The following OPCML variants were observed in gnomAD, a reference collection of about 807,000 sequenced individuals.
OPCML encodes opioid binding protein/cell adhesion molecule like, also known as opioid-binding protein/cell adhesion molecule.
In OPCML, 13 loss-of-function variants were observed where a neutral mutation model predicts 37.8. That is an observed-to-expected ratio of 0.34 (90% CI 0.22 to 0.55). The LOEUF is 0.55. Ranked by LOEUF, OPCML falls within the 20% of genes least tolerant of loss-of-function variation. The pLI is 0.91. For synonymous variants in OPCML, 176 were observed against 168.8 expected, an observed-to-expected ratio of 1.04 and a Z score of -0.33; for missense variants, 341 against 435.6, an observed-to-expected ratio of 0.78 and a Z score of 1.93.
At chr11:133,298,273 G>C (rs992962511) in intron 1 of OPCML, 2 of 152,162 alleles carry the variant, frequency 1.3e-5, no homozygotes, top group African/African-American at 4.8e-5. Flanking sequence ...GATAGGGAGG[G>C]AGAGCAGGAG....
chr11:133,314,199 C>T (rs527880757), intron 1 of OPCML, among the ~76,000 whole-genome samples: 1,310 of 127,610 alleles, frequency 0.01, 12 homozygotes, highest in Non-Finnish European at 0.014. Context: ...CGCGCCACTG[C>T]ACTCCAGCCT....
chr11:132,437,433 A>G lies in OPCML; in HGVS notation c.506-74T>C. 1.9e-6 allele frequency: 3 copies of G among 1,564,688 alleles called. No individual in the cohort carries two copies. The Admixed American group carries it at 6.0e-5, about 31-fold the overall frequency. ...GGGACAGAACCATATTCACATCTAG[A>G]GATTGTAGGAGGAGGAAGAGAAAAA... On this transcript the variant is annotated intron_variant, in intron 4 of 7. Coordinates refer to ENST00000524381, the MANE Select transcript of OPCML (RefSeq NM_001012393.5).
chr11:132,982,730 C>T (rs887817499), intron 1 of OPCML, among the ~76,000 whole-genome samples: 2 of 152,180 alleles, frequency 1.3e-5, no homozygotes, highest in African/African-American at 4.8e-5. Flanking sequence ...TATTTGCAGG[C>T]AGAAAATCAA....
intron 2 of OPCML, among the ~76,000 whole-genome samples, chr11:132,831,941 G>T (rs906726424): frequency 1.3e-5 from 2 of 151,670 alleles, no homozygotes; most frequent in Non-Finnish European, 2.9e-5. Context: ...TCCTTCTTTT[G>T]CTGTCTCTGG....
chr11:133,044,717 G>C (rs1947974986), intron 1 of OPCML, among the ~76,000 whole-genome samples: 1 of 152,174 alleles, frequency 6.6e-6, no homozygotes, highest in Admixed American at 6.5e-5. Context: ...CCAGGTCACA[G>C]AGCTAGTGAT....
At chr11:132,818,776 C>A (rs985241012) in intron 2 of OPCML, among the ~76,000 whole-genome samples, 5 of 148,826 alleles carry the variant, frequency 3.4e-5, no homozygotes, top group Middle Eastern at 3.2e-3. Flanking sequence ...AATATAAGAA[C>A]CATATATGGG....
intron 2 of OPCML, among the ~76,000 whole-genome samples, chr11:132,933,867 G>A (rs1425378133): frequency 6.6e-6 from 1 of 152,052 alleles, no homozygotes; most frequent in African/African-American, 2.4e-5. Context: ...TCTTACACAG[G>A]GTGCCTTACA....
intron 1 of OPCML, chr11:133,065,456 G>A (rs1948426347): frequency 6.6e-6 from 1 of 152,194 alleles, no homozygotes; most frequent in African/African-American, 2.4e-5. Context: ...GGAGACAAAT[G>A]TGCCCCAGAG....
intron 1 of OPCML, among the ~76,000 whole-genome samples, chr11:133,108,898 T>C (rs560260142): frequency 6.6e-6 from 1 of 152,274 alleles, no homozygotes; most frequent in Admixed American, 6.5e-5. Context: ...GAATACGTGT[T>C]TCCATATGCA....
chr11:132,583,875 A>G (rs1320949290), intron 3 of OPCML, among the ~76,000 whole-genome samples: 2 of 152,094 alleles, frequency 1.3e-5, no homozygotes, highest in Admixed American at 6.6e-5. Context: ...CGGCCTCCCA[A>G]AGTGCTGGGA....
At chr11:132,926,873 A>G (rs899360447) in intron 2 of OPCML, among the ~76,000 whole-genome samples, 7 of 152,124 alleles carry the variant, frequency 4.6e-5, no homozygotes, top group Non-Finnish European at 1.0e-4. Context: ...ACTATGAAAA[A>G]AGGGATGAAA....
chr11:132,890,136 T>C (rs1464926047), intron 2 of OPCML, among the ~76,000 whole-genome samples: 1 of 152,218 alleles, frequency 6.6e-6, no homozygotes, highest in African/African-American at 2.4e-5. Flanking sequence ...TAAATTTTTC[T>C]TTAATGCTCC....
At chr11:133,090,622 A>G (rs1948891657) in intron 1 of OPCML, among the ~76,000 whole-genome samples, 1 of 152,200 alleles carries the variant, frequency 6.6e-6, no homozygotes. Context: ...GCTCTGTGGA[A>G]AGCAGAGTTT....
intron 1 of OPCML, among the ~76,000 whole-genome samples, chr11:132,961,915 G>T (rs1426273686): frequency 2.6e-5 from 4 of 152,228 alleles, no homozygotes; most frequent in Admixed American, 6.5e-5. Flanking sequence ...TCCCTGGGCA[G>T]TCTTCCAGTT....
chr11:133,458,256 A>G (rs1436815539), intron 1 of OPCML, among the ~76,000 whole-genome samples: 4 of 91,798 alleles, frequency 4.4e-5, no homozygotes, highest in Non-Finnish European at 7.8e-5. Flanking sequence ...ACATATATAT[A>G]CACGTGTGTG....
chr11:132,914,747 C>T (rs896561269), intron 2 of OPCML, among the ~76,000 whole-genome samples: 8 of 152,242 alleles, frequency 5.3e-5, no homozygotes, highest in South Asian at 2.1e-4. Flanking sequence ...AGTTGGGAGA[C>T]GGGATGGGGA....
At chr11:132,912,037 G>C (rs530780820) in intron 2 of OPCML, among the ~76,000 whole-genome samples, 2 of 152,052 alleles carry the variant, frequency 1.3e-5, no homozygotes, top group East Asian at 3.9e-4. Context: ...GTGAGATTCT[G>C]GGTATTAAGC....
At chr11:133,467,914 G>A (rs966839076) in intron 1 of OPCML, among the ~76,000 whole-genome samples, 1 of 152,152 alleles carries the variant, frequency 6.6e-6, no homozygotes, top group African/African-American at 2.4e-5. Flanking sequence ...TATCACAATA[G>A]ATCATTTGTA....
intron 2 of OPCML, among the ~76,000 whole-genome samples, chr11:132,712,481 A>G (rs920190063): frequency 6.6e-6 from 1 of 152,326 alleles, no homozygotes; most frequent in African/African-American, 2.4e-5. Flanking sequence ...GACACCGGGC[A>G]CACTGTTTCT....
Sources: gnomAD v4.1 joint callset for allele counts (sites outside exome capture counted in the v4.1 genomes callset) on GRCh38, gnomAD v4.1.1 for gene constraint, MANE v1.5 for transcripts, NCBI Gene and HGNC (gene_info 2026-07-23, HGNC 2026-07-21) for gene names.